AOAH: variants seen among roughly 807,000 people sequenced by gnomAD.
The protein encoded by AOAH is acyloxyacyl hydrolase.
AOAH carries 64 observed loss-of-function variants against 92.2 expected under a neutral mutation model. The ratio of observed to expected loss-of-function variants is 0.69; its 90% CI spans 0.57 to 0.86. The LOEUF is 0.86. AOAH is among the 40% of genes least tolerant of loss of function. The pLI, the probability that AOAH is intolerant of heterozygous loss-of-function variation, is 0.00. For synonymous variants in AOAH, 263 were observed against 254.5 expected (o/e 1.03, Z -0.32); for missense variants, 656 against 694.6 (o/e 0.94, Z 0.62).
chr7:36,548,518 G>T, intron 15 of AOAH, 94 bp downstream of exon 15: 1 of 1,048,282 alleles, frequency 9.5e-7, no homozygotes, highest in East Asian at 2.5e-5. Context: ...CAGCTGAACA[G>T]CAGGCTGCTA....
chr7:36,589,001 T>C (rs1789554952), intron 12 of AOAH, among the ~76,000 whole-genome samples: 1 of 152,164 alleles, frequency 6.6e-6, no homozygotes, highest in Non-Finnish European at 1.5e-5. Flanking sequence ...TAGCTGCTTT[T>C]GGTTCTTTTG....
At chr7:36,591,509 T>A (rs1562599003) in intron 12 of AOAH, among the ~76,000 whole-genome samples, 1 of 152,180 alleles carries the variant, frequency 6.6e-6, no homozygotes, top group Non-Finnish European at 1.5e-5. Flanking sequence ...GCATAATGCT[T>A]ATAAGAGTTA....
At chr7:36,609,937 A>G (rs1791314086) in intron 11 of AOAH, among the ~76,000 whole-genome samples, 1 of 151,946 alleles carries the variant, frequency 6.6e-6, no homozygotes, top group Non-Finnish European at 1.5e-5. Flanking sequence ...TAGAACTGAC[A>G]TTTTGTTTAC....
At chr7:36,562,418 A>G (rs1159642585) in intron 13 of AOAH, among the ~76,000 whole-genome samples, 2 of 152,220 alleles carry the variant, frequency 1.3e-5, no homozygotes, top group Non-Finnish European at 1.5e-5. Flanking sequence ...TAAGAAGTCT[A>G]TATTCTGATC....
chr7:36,545,629 A>T (rs76374719), intron 15 of AOAH, among the ~76,000 whole-genome samples: 205 of 152,310 alleles, frequency 1.3e-3, no homozygotes, highest in African/African-American at 4.7e-3. Flanking sequence ...TCTCCATAAG[A>T]TGAAAATGTA....
intron 11 of AOAH, among the ~76,000 whole-genome samples, chr7:36,610,357 C>T (rs892481470): frequency 1.3e-5 from 2 of 151,738 alleles, no homozygotes; most frequent in Non-Finnish European, 2.9e-5. Context: ...CTTCTTGTAA[C>T]AGCATGACGT....
rs1191601635 is a variant in AOAH, at chr7:36,614,724, G to C, written c.846+1656C>G. On this transcript the variant is annotated intron_variant, in intron 11 of 20. Transcript: ENST00000617537. This position sits in a 1 kb window ranked among gnomAD's most constrained non-coding sequence, Gnocchi z 4.2. ...ACAGGCAAGAGGAAGATTGGGGTTG[G>C]GCATGGTGGCAGCTGTCACCTGCCC... is the stretch of plus-strand genomic sequence containing the variant. Among the ~76,000 whole-genome samples, 1 of 152,188 alleles carries C rather than the reference G, an allele frequency of 6.6e-6. No homozygotes were observed. The highest frequency in any genetic ancestry group is 1.5e-5 in the Non-Finnish European group (1 of 68,024).
chr7:36,618,444 T>C lies in AOAH; in HGVS notation c.703-99A>G, dbSNP rs1025048837. On this transcript the variant is annotated intron_variant, in intron 9 of 20. Transcript: ENST00000617537. Reference sequence around the variant, plus strand: ...ATGGCTTTAAAAGCACAAAGGCAAATGAGTAGATAAAACCCTTTAAAGTTT... The same window carrying C: ...ATGGCTTTAAAAGCACAAAGGCAAACGAGTAGATAAAACCCTTTAAAGTTT... 14 of 1,050,132 alleles carry C rather than the reference T, an allele frequency of 1.3e-5. No individual in the cohort carries two copies. In the African/African-American group the frequency reaches 2.1e-4, roughly 16 times the overall value. 65.1% of individuals were successfully genotyped at this position (1,050,132 alleles called of 1,614,324 possible).
intron 2 of AOAH, among the ~76,000 whole-genome samples, chr7:36,677,025 G>A (rs550672244): frequency 2.0e-5 from 3 of 151,780 alleles, no homozygotes; most frequent in South Asian, 2.1e-4. Context: ...GTTAGGCAAC[G>A]TTTTCTTAGA....
chr7:36,520,420 AGGGGGCC>A (rs1784048808), intron 20 of AOAH, among the ~76,000 whole-genome samples: 1 of 152,122 alleles, frequency 6.6e-6, no homozygotes, highest in Admixed American at 6.6e-5. Flanking sequence ...GCTAGAAAGA[AGGGGGCC>A]GGGCGCAGTG....
chr7:36,631,658 G>A (rs764766657), intron 6 of AOAH, among the ~76,000 whole-genome samples: 5 of 152,160 alleles, frequency 3.3e-5, no homozygotes, highest in Non-Finnish European at 5.9e-5. Context: ...CACTAAAGAT[G>A]CTCAGAGTCT....
intron 20 of AOAH, among the ~76,000 whole-genome samples, chr7:36,518,402 T>C (rs181238433): frequency 1.3e-3 from 193 of 152,230 alleles, no homozygotes; most frequent in African/African-American, 4.4e-3. Context: ...GATGGGGTAA[T>C]TCAGTGCATG....
intron 13 of AOAH, among the ~76,000 whole-genome samples, chr7:36,570,090 G>A (rs1022080094): frequency 1.3e-5 from 2 of 151,940 alleles, no homozygotes; most frequent in South Asian, 2.1e-4. Flanking sequence ...TAGGCACAAC[G>A]TTACACAACA....
intron 13 of AOAH, among the ~76,000 whole-genome samples, chr7:36,558,213 C>G (rs1326328890): frequency 4.6e-5 from 7 of 152,110 alleles, no homozygotes; most frequent in Non-Finnish European, 7.4e-5. Context: ...AGACAGGACC[C>G]TCAGCTGCAG....
rs184259624 is a variant in AOAH, at chr7:36,704,815, C to A, written c.128-18021G>T. ...CCACTATGAGCAAGTCAGCTTCATC[C>A]CTGGGATGCAAGGCTGGTTCAACAT... On this transcript the variant is annotated intron_variant, in intron 1 of 20. Coordinates refer to ENST00000617537, the MANE Select transcript of AOAH (RefSeq NM_001637.4). Among the ~76,000 whole-genome samples the A allele has an allele frequency of 2.0e-5, 3 of 152,246 alleles. No individual in the cohort carries two copies. The East Asian group carries it at 5.8e-4, about 29-fold the overall frequency.
chr7:36,676,439 T>C (rs1796264536), intron 2 of AOAH, among the ~76,000 whole-genome samples: 1 of 152,180 alleles, frequency 6.6e-6, no homozygotes. Context: ...AAAACTACAT[T>C]GTTAAAAGAA....
chr7:36,653,077 C>T (rs777960541), intron 4 of AOAH, among the ~76,000 whole-genome samples: 1 of 152,154 alleles, frequency 6.6e-6, no homozygotes, highest in Admixed American at 6.5e-5. Context: ...AGTATCCTCA[C>T]AACTTTTTAT....
chr7:36,554,171 G>A (rs539478062), intron 13 of AOAH, among the ~76,000 whole-genome samples: 3 of 152,318 alleles, frequency 2.0e-5, no homozygotes, highest in African/African-American at 7.2e-5. Flanking sequence ...TAAGGTGTAA[G>A]GAAGGGATCC....
At chr7:36,713,268 G>A (rs1423192340) in intron 1 of AOAH, among the ~76,000 whole-genome samples, 1 of 151,792 alleles carries the variant, frequency 6.6e-6, no homozygotes, top group Non-Finnish European at 1.5e-5. Flanking sequence ...AATTCAACAA[G>A]AAGAGCTAAC....
Sources: gnomAD v4.1 joint callset for allele counts (sites outside exome capture counted in the v4.1 genomes callset) on GRCh38, gnomAD v4.1.1 for gene constraint, Gnocchi (gnomAD v3.1) non-coding constraint, MANE v1.5 for transcripts, NCBI Gene and HGNC (gene_info 2026-07-23, HGNC 2026-07-21) for gene names.